GOLPH3L: variants seen among roughly 807,000 people sequenced by gnomAD.
GOLPH3L encodes golgi phosphoprotein 3 like.
GOLPH3L carries 22 observed loss-of-function variants against 30.3 expected under a neutral mutation model. That is an observed-to-expected ratio of 0.73 (90% CI 0.52 to 1.04). GOLPH3L has a LOEUF of 1.04. Ranked by LOEUF, GOLPH3L falls within the 50% of genes least tolerant of loss-of-function variation. The pLI is 0.00. For synonymous variants in GOLPH3L, 120 were observed against 128.2 expected, an observed-to-expected ratio of 0.94 and a Z score of 0.43; for missense variants, 303 against 345.8, an observed-to-expected ratio of 0.88 and a Z score of 0.98.
At chr1:150,660,257 A>G (rs1168857303) in intron 4 of GOLPH3L, among the ~76,000 whole-genome samples, 1 of 152,158 alleles carries the variant, frequency 6.6e-6, no homozygotes. Context: ...GATGTCTATA[A>G]TTAAAAAAAA....
intron 4 of GOLPH3L, among the ~76,000 whole-genome samples, chr1:150,660,069 A>T (rs1181438037): frequency 6.6e-6 from 1 of 152,062 alleles, no homozygotes; most frequent in Admixed American, 6.6e-5. Flanking sequence ...CAACAACAAA[A>T]CAATCAAACT....
chr1:150,669,986 C>T (rs1172584759), intron 2 of GOLPH3L, among the ~76,000 whole-genome samples: 1 of 146,838 alleles, frequency 6.8e-6, no homozygotes, highest in Non-Finnish European at 1.5e-5. Flanking sequence ...GCAGGCCCGG[C>T]GTGGTCGCTC....
chr1:150,648,092 G>T lies in GOLPH3L; in HGVS notation c.*229C>A. The T allele has an allele frequency of 2.2e-6, 1 of 447,496 alleles. No homozygotes were observed. Among genetic ancestry groups the T allele is most frequent in the Non-Finnish European group, 3.9e-6 (1 of 254,266 alleles). 27.7% of individuals were successfully genotyped at this position (447,496 alleles called of 1,614,324 possible). A position where few individuals can be genotyped will look rare whatever the true frequency, so the allele number is the denominator to read the frequency against. On this transcript the variant is annotated 3_prime_UTR_variant, in exon 5 of 5. Coordinates refer to ENST00000271732, the MANE Select transcript of GOLPH3L (RefSeq NM_018178.6). ...AGAAAATGTTCATTGGGTGTGTGTG[G>T]CTTCACCCAGTTTATTTACCTATGG...
chr1:150,685,153 C>T (rs2101815353), intron 2 of GOLPH3L, among the ~76,000 whole-genome samples: 1 of 152,064 alleles, frequency 6.6e-6, no homozygotes, highest in East Asian at 1.9e-4. Context: ...ATATTTGAGG[C>T]AATGGAATGG....
chr1:150,664,742 G>A (rs989638876), intron 2 of GOLPH3L, among the ~76,000 whole-genome samples: 5 of 152,256 alleles, frequency 3.3e-5, no homozygotes, highest in South Asian at 4.1e-4. Context: ...GTGAGCCACC[G>A]TGCCCAGCCA....
intron 2 of GOLPH3L, among the ~76,000 whole-genome samples, chr1:150,691,259 A>T (rs1417125713): frequency 6.6e-6 from 1 of 152,172 alleles, no homozygotes; most frequent in Non-Finnish European, 1.5e-5. Flanking sequence ...CACACCTATA[A>T]TCCCAGCACT....
chr1:150,688,421 T>C (rs1280469942), intron 2 of GOLPH3L, among the ~76,000 whole-genome samples: 1 of 152,186 alleles, frequency 6.6e-6, no homozygotes, highest in Non-Finnish European at 1.5e-5. Context: ...AGAACCTGTC[T>C]CTTTACAGAC....
At chr1:150,687,460 T>C (rs1651110863) in intron 2 of GOLPH3L, among the ~76,000 whole-genome samples, 1 of 151,848 alleles carries the variant, frequency 6.6e-6, no homozygotes, top group South Asian at 2.1e-4. Flanking sequence ...ATGCCTGTAA[T>C]CCCAGCTACT....
rs767837838 is a variant in GOLPH3L, at chr1:150,661,900, C to T, written c.344G>A (p.Gly115Asp). ...KVLLKSDSPT[G>D]DVLLDETLKH... ...CAGAGTTTCATCCAGTAAAACATCA[C>T]CTGTTGGGCTGTCTGACTTTAGCAG... The change falls in exon 4 of 5, where the codon GGT becomes GAT. Residue 115 changes from glycine to aspartate, a missense_variant. Gly to Asp is a moderately conservative substitution (Grantham distance 94). Transcript: ENST00000271732. The T allele has an allele frequency of 1.3e-6, 2 of 1,582,886 alleles. No individual in the cohort carries two copies. Among genetic ancestry groups the T allele is most frequent in the Non-Finnish European group, 1.7e-6 (2 of 1,151,480 alleles).
intron 2 of GOLPH3L, among the ~76,000 whole-genome samples, chr1:150,691,294 G>A (rs754210836): frequency 4.6e-5 from 7 of 152,102 alleles, no homozygotes; most frequent in African/African-American, 7.2e-5. Flanking sequence ...TGGGTGGGTC[G>A]CCTGAGAGGT....
intron 2 of GOLPH3L, among the ~76,000 whole-genome samples, chr1:150,674,357 C>T: frequency 6.6e-6 from 1 of 151,526 alleles, no homozygotes; most frequent in Non-Finnish European, 1.5e-5. Context: ...GCCTCCTGGG[C>T]TCAAGCGATT....
chr1:150,693,821 A>G (rs11204703), intron 2 of GOLPH3L, among the ~76,000 whole-genome samples: 21,972 of 50,412 alleles, frequency 0.44, 4,726 homozygotes, highest in East Asian at 0.5. Context: ...GTGTGTGTGT[A>G]TATATATATA....
intron 2 of GOLPH3L, among the ~76,000 whole-genome samples, chr1:150,690,349 A>G (rs939347014): frequency 3.3e-5 from 5 of 152,174 alleles, no homozygotes; most frequent in Non-Finnish European, 7.3e-5. Flanking sequence ...GGAACTCTCC[A>G]GTAAAAGTTT....
chr1:150,686,896 C>A (rs1651097538), intron 2 of GOLPH3L, among the ~76,000 whole-genome samples: 1 of 152,022 alleles, frequency 6.6e-6, no homozygotes, highest in East Asian at 1.9e-4. Flanking sequence ...TCCTTTTATA[C>A]CAATAGTAAA....
At chr1:150,688,619 CAGGT>C (rs1651144097) in intron 2 of GOLPH3L, among the ~76,000 whole-genome samples, 1 of 152,070 alleles carries the variant, frequency 6.6e-6, no homozygotes, top group Admixed American at 6.6e-5. Flanking sequence ...GGGATGGTGG[CAGGT>C]GCATGTAATA....
chr1:150,651,982 T>C (rs1442088649), intron 4 of GOLPH3L, among the ~76,000 whole-genome samples: 1 of 152,004 alleles, frequency 6.6e-6, no homozygotes, highest in East Asian at 1.9e-4. Context: ...AAACTCCAAG[T>C]TGGATGAACA....
intron 2 of GOLPH3L, among the ~76,000 whole-genome samples, chr1:150,668,723 C>G (rs933958102): frequency 6.6e-6 from 1 of 150,434 alleles, no homozygotes; most frequent in Non-Finnish European, 1.5e-5. Flanking sequence ...AAGGGGTAGG[C>G]TTTTTTTTTA....
At chr1:150,653,334 C>T (rs1434426958) in intron 4 of GOLPH3L, among the ~76,000 whole-genome samples, 2 of 145,764 alleles carry the variant, frequency 1.4e-5, no homozygotes, top group Non-Finnish European at 3.0e-5. Context: ...CTCACACTGT[C>T]GCCCTGGCTG....
chr1:150,672,074 A>G (rs1360261629), intron 2 of GOLPH3L, among the ~76,000 whole-genome samples: 5 of 151,994 alleles, frequency 3.3e-5, no homozygotes, highest in Non-Finnish European at 1.5e-5. Flanking sequence ...GAAAAAAAGA[A>G]CCCCTCCATC....
Sources: allele counts gnomAD v4.1 joint callset (sites outside exome capture counted in the v4.1 genomes callset), GRCh38; gene constraint gnomAD v4.1.1; transcripts MANE v1.5; gene names NCBI Gene and HGNC (gene_info 2026-07-23, HGNC 2026-07-21).